The following JARID2 variants were observed in gnomAD, a reference collection of about 807,000 sequenced individuals.
The protein encoded by JARID2 is jumonji and AT-rich interaction domain containing 2, also known as protein Jumonji.
A neutral mutation model predicts 125.6 loss-of-function variants in JARID2; 21 were observed. The observed-to-expected ratio is 0.17, with a 90% confidence interval of 0.12 to 0.24. JARID2 has a LOEUF of 0.24. JARID2 is among the 10% of genes least tolerant of loss of function. The pLI is 1.00. For synonymous variants in JARID2, 736 were observed against 661.6 expected (o/e 1.11, Z -1.73); for missense variants, 1,303 against 1,639.6 (o/e 0.79, Z 3.55).
intron 2 of JARID2, among the ~76,000 whole-genome samples, chr6:15,375,793 G>C (rs926424454): frequency 2.6e-5 from 4 of 152,202 alleles, no homozygotes; most frequent in Non-Finnish European, 4.4e-5. Flanking sequence ...AGCAGTGACT[G>C]CTGTACTGTT....
intron 3 of JARID2, among the ~76,000 whole-genome samples, chr6:15,416,133 G>A (rs1429646760): frequency 3.3e-5 from 5 of 151,834 alleles, no homozygotes; most frequent in Non-Finnish European, 7.4e-5. Flanking sequence ...ATGGGATGGC[G>A]GCCGGGAAGA....
At position 15,511,308 on chromosome 6, in the gene JARID2, T is replaced by C. The variant is rs769955317; in HGVS notation, c.2859T>C (p.Pro953=). ...TGADCIWYCI[P]AEEENKLEDV... is the part of the protein sequence containing the mutation. Reference sequence around the variant, plus strand: ...CTCAATGACCCAGGTATTGCATTCCTGCTGAGGAGGAGAACAAGCTGGAAG... The same window carrying C: ...CTCAATGACCCAGGTATTGCATTCCCGCTGAGGAGGAGAACAAGCTGGAAG... Residue 953 remains proline, a synonymous_variant, in exon 13 of 18, where the codon CCT becomes CCC. Coordinates refer to ENST00000341776, the MANE Select transcript of JARID2 (RefSeq NM_004973.4). 1 of 1,613,298 alleles carries C rather than the reference T, an allele frequency of 6.2e-7. No homozygotes were observed. The highest frequency in any genetic ancestry group is 1.1e-5 in the South Asian group (1 of 91,072).
chr6:15,482,978 G>A (rs1769696192), intron 5 of JARID2, among the ~76,000 whole-genome samples: 1 of 152,150 alleles, frequency 6.6e-6, no homozygotes, highest in Non-Finnish European at 1.5e-5. Flanking sequence ...AACTCATGAT[G>A]GCAGATACTG....
chr6:15,326,774 A>T (rs972391684), intron 1 of JARID2, among the ~76,000 whole-genome samples: 11 of 152,216 alleles, frequency 7.2e-5, no homozygotes, highest in Admixed American at 2.6e-4. Flanking sequence ...GTTCTGGGAT[A>T]ATAGGCGTCA....
At chr6:15,484,054 T>C (rs1338920724) in intron 5 of JARID2, among the ~76,000 whole-genome samples, 2 of 152,216 alleles carry the variant, frequency 1.3e-5, no homozygotes, top group African/African-American at 2.4e-5. Flanking sequence ...AGGCAAATAA[T>C]GTCTTTGTAT....
intron 5 of JARID2, among the ~76,000 whole-genome samples, chr6:15,479,666 A>G (rs544973776): frequency 2.6e-4 from 39 of 152,378 alleles, no homozygotes; most frequent in Non-Finnish European, 4.1e-4. Flanking sequence ...GTAAACCAGT[A>G]GAATTTGCTT....
chr6:15,367,601 C>G (rs1764024686), intron 1 of JARID2, among the ~76,000 whole-genome samples: 2 of 152,316 alleles, frequency 1.3e-5, no homozygotes, highest in South Asian at 4.1e-4. Flanking sequence ...CATGGACTGA[C>G]TACCAATGCC....
chr6:15,264,805 C>A (rs960090293), intron 1 of JARID2, among the ~76,000 whole-genome samples: 1 of 152,196 alleles, frequency 6.6e-6, no homozygotes, highest in Admixed American at 6.5e-5. Flanking sequence ...CGCCACATCC[C>A]TCCTACTAAA....
At chr6:15,345,777 CATTGT>C (rs918449738) in intron 1 of JARID2, among the ~76,000 whole-genome samples, 101 of 152,242 alleles carry the variant, frequency 6.6e-4, no homozygotes, top group African/African-American at 2.4e-3. Flanking sequence ...ACATGGGCAA[CATTGT>C]AGTTCAGCAC....
intron 4 of JARID2, among the ~76,000 whole-genome samples, chr6:15,464,071 T>G (rs1768590983): frequency 1.3e-5 from 2 of 152,238 alleles, no homozygotes; most frequent in Admixed American, 1.3e-4. Flanking sequence ...GGTTGTTATT[T>G]AGCTATTTTC....
chr6:15,459,800 T>TG (rs1160650082), intron 4 of JARID2, among the ~76,000 whole-genome samples: 13 of 152,310 alleles, frequency 8.5e-5, no homozygotes, highest in Admixed American at 4.6e-4. Context: ...TGCAAAAGCC[T>TG]GGGGTGATTT....
Position 15,436,604 on chromosome 6 carries a change from C to T in JARID2, c.324-15402C>T, listed in dbSNP as rs984922136. 2.0e-5 allele frequency among the ~76,000 whole-genome samples: 3 copies of T among 152,202 alleles called. No homozygotes were observed. In the South Asian group the frequency reaches 6.2e-4, roughly 32 times the overall value. The stretch of plus-strand genomic sequence containing the variant: ...TTAGGTCTTGGGAGTAGAGCCCTAG[C>T]CAGGGGCCACGCCCTTCCTCTACCC... On this transcript the variant is annotated intron_variant, in intron 3 of 17. Transcript: ENST00000341776.
At chr6:15,342,406 C>T (rs923068964) in intron 1 of JARID2, among the ~76,000 whole-genome samples, 10 of 152,272 alleles carry the variant, frequency 6.6e-5, no homozygotes, top group Admixed American at 4.6e-4. Context: ...AAATACTGTC[C>T]AACTAGGGTG....
rs1163978756 is a variant in JARID2, at chr6:15,301,184, G to A, written c.45+54600G>A. Among the ~76,000 whole-genome samples, 2 of 152,198 alleles carry A rather than the reference G, an allele frequency of 1.3e-5. 1 individual carries two copies. ...GGAACAGCAAGGGCCACATAAAGAG[G>A]AAAATCTGCAAAATGGTAGGGTGGT... On this transcript the variant is annotated intron_variant, in intron 1 of 17. Transcript: ENST00000341776.
chr6:15,322,487 A>G (rs1212931512), intron 1 of JARID2, among the ~76,000 whole-genome samples: 6 of 152,238 alleles, frequency 3.9e-5, no homozygotes, highest in Non-Finnish European at 8.8e-5. Context: ...GCTTTTAAGT[A>G]ACATTCTTCT....
chr6:15,324,418 T>G (rs1176720683), intron 1 of JARID2: 1 of 152,092 alleles, frequency 6.6e-6, no homozygotes, highest in Non-Finnish European at 1.5e-5. Context: ...ACGGGGGCCG[T>G]GTTATCTTCT....
chr6:15,282,538 CTT>C (rs1491509261), intron 1 of JARID2, among the ~76,000 whole-genome samples: 6 of 151,936 alleles, frequency 3.9e-5, no homozygotes, highest in Non-Finnish European at 7.4e-5. Flanking sequence ...TGTTCTCTCT[CTT>C]TCTCTCTCTG....
Position 15,520,644 on chromosome 6 carries a change from T to C in JARID2, c.*393T>C, listed in dbSNP as rs1299874311. On this transcript the variant is annotated 3_prime_UTR_variant, in exon 18 of 18. Transcript: ENST00000341776. Reference sequence around the variant, plus strand: ...GTTTGGAGAACAAATTTAAAAACCATCAGTCATGTGAGCAGATTTTTTAGA... The same window carrying C: ...GTTTGGAGAACAAATTTAAAAACCACCAGTCATGTGAGCAGATTTTTTAGA... The C allele has an allele frequency of 7.1e-6, 2 of 280,100 alleles. No individual in the cohort carries two copies. Among genetic ancestry groups the C allele is most frequent in the South Asian group, 2.9e-5 (1 of 35,010 alleles). The allele number at this position is 280,100 out of a possible 1,614,324, so 17.4% of individuals were successfully genotyped here.
At chr6:15,361,152 TCA>T (rs1165421969) in intron 1 of JARID2, among the ~76,000 whole-genome samples, 4 of 152,172 alleles carry the variant, frequency 2.6e-5, no homozygotes, top group Non-Finnish European at 4.4e-5. Context: ...CTCCCTTTTT[TCA>T]CACACGCCAC....
Sources: gnomAD v4.1 joint callset for allele counts (sites outside exome capture counted in the v4.1 genomes callset) on GRCh38, gnomAD v4.1.1 for gene constraint, MANE v1.5 for transcripts, NCBI Gene and HGNC (gene_info 2026-07-23, HGNC 2026-07-21) for gene names.